Variants in ABLIM2 observed in about 807,000 individuals in gnomAD.
ABLIM2 encodes actin-binding LIM protein 2.
Under a neutral mutation model 97.7 loss-of-function variants are expected in ABLIM2, and 53 were observed. That is an observed-to-expected ratio of 0.54 (90% CI 0.44 to 0.68). The LOEUF (loss-of-function observed/expected upper bound fraction) is 0.68. ABLIM2 is among the 30% of genes least tolerant of loss of function. The probability of loss-of-function intolerance (pLI) is 0.00; values close to 1 mark genes in which losing one functional copy is unlikely to be tolerated. For synonymous variants in ABLIM2, 361 were observed against 345.8 expected (o/e 1.04, Z -0.49); for missense variants, 835 against 867.2 (o/e 0.96, Z 0.47).
At position 8,072,552 on chromosome 4, in the gene ABLIM2, G is replaced by T. The variant is rs1812967012; in HGVS notation, c.675+5076C>A. On this transcript the variant is annotated intron_variant, in intron 6 of 20. Coordinates refer to ENST00000447017, the MANE Select transcript of ABLIM2 (RefSeq NM_001130083.2). This position sits in a 1 kb window ranked among gnomAD's most constrained non-coding sequence, Gnocchi z 5.8. The stretch of plus-strand genomic sequence containing the variant: ...TACACCCCACTTTAGGCCACCAGAT[G>T]TTCCAACGTGGCTATGCTATTAAGC... Among the ~76,000 whole-genome samples the T allele has an allele frequency of 6.6e-6, 1 of 152,242 alleles. No homozygotes were observed. The highest frequency in any genetic ancestry group is 1.5e-5 in the Non-Finnish European group (1 of 68,046).
chr4:8,047,358 TTCCTCCTCCTCC>T (rs139472480), intron 8 of ABLIM2, among the ~76,000 whole-genome samples: 3 of 149,040 alleles, frequency 2.0e-5, no homozygotes, highest in Admixed American at 1.3e-4. Flanking sequence ...CCACCGCCTC[TTCCTCCTCCTCC>T]TCCTCCTCCT....
At position 8,044,453 on chromosome 4, in the gene ABLIM2, A is replaced by T. The variant is rs1790819667; in HGVS notation, c.900+711T>A. 6.6e-6 allele frequency among the ~76,000 whole-genome samples: 1 copy of T among 151,874 alleles called. No homozygotes were observed. Among genetic ancestry groups the T allele is most frequent in the African/African-American group, 2.4e-5 (1 of 41,340 alleles). On this transcript the variant is annotated intron_variant, in intron 9 of 20. Transcript: ENST00000447017. The surrounding 1 kb of genome is among the most constrained non-coding windows in gnomAD (Gnocchi z 4.4). ...ACAATATTAAATATTAAATTTACAT[A>T]TACATATGTATATGTATGTATACAT...
rs750302106 is a variant in ABLIM2, at chr4:8,012,760, A to C, written c.1424-3658T>G. On this transcript the variant is annotated intron_variant, in intron 14 of 20. Coordinates refer to ENST00000447017, the MANE Select transcript of ABLIM2 (RefSeq NM_001130083.2). ...TACTCATCTATCCATCCATCCATCC[A>C]TCCACCCACTCACCCACACTCACGC... 4.0e-5 allele frequency among the ~76,000 whole-genome samples: 6 copies of C among 150,992 alleles called. 1 individual carries two copies. Among genetic ancestry groups the C allele is most frequent in the Non-Finnish European group, 7.4e-5 (5 of 67,764 alleles).
At chr4:8,078,578 T>C (rs1450369045) in intron 5 of ABLIM2, among the ~76,000 whole-genome samples, 1 of 152,178 alleles carries the variant, frequency 6.6e-6, no homozygotes, top group Non-Finnish European at 1.5e-5. Context: ...GCTGTGCAGA[T>C]GTGGGGACAG....
intron 10 of ABLIM2, among the ~76,000 whole-genome samples, chr4:8,031,351 C>T (rs1482855575): frequency 6.6e-6 from 1 of 152,178 alleles, no homozygotes; most frequent in Non-Finnish European, 1.5e-5. Flanking sequence ...TGCACCTCAT[C>T]TGGAAGGGAA....
chr4:8,079,060 T>C (rs1393331472), intron 5 of ABLIM2, among the ~76,000 whole-genome samples: 1 of 152,224 alleles, frequency 6.6e-6, no homozygotes, highest in African/African-American at 2.4e-5. Flanking sequence ...GTCCCCAGGA[T>C]GTGGGGTCAT....
At chr4:8,144,392 AG>A (rs1168733298) in intron 1 of ABLIM2, among the ~76,000 whole-genome samples, 1 of 152,222 alleles carries the variant, frequency 6.6e-6, no homozygotes, top group African/African-American at 2.4e-5. Context: ...CTTATGCCCC[AG>A]GGCCGCCGCT....
At chr4:8,144,262 T>C (rs1851451561) in intron 1 of ABLIM2, among the ~76,000 whole-genome samples, 1 of 152,140 alleles carries the variant, frequency 6.6e-6, no homozygotes, top group Admixed American at 6.5e-5. Flanking sequence ...AAATACTCTT[T>C]CTAAGTTGTC....
At position 8,115,056 on chromosome 4, in the gene ABLIM2, G is replaced by A. The variant is rs59515973; in HGVS notation, c.11-8419C>T. Among the ~76,000 whole-genome samples, 200 of 152,288 alleles carry A rather than the reference G, an allele frequency of 1.3e-3. 5 individuals are homozygous for A. In the East Asian group the frequency reaches 0.029, roughly 22 times the overall value. On this transcript the variant is annotated intron_variant, in intron 1 of 20. Transcript: ENST00000447017. ...CTTGACCTGCCCATGGCCAGACCAC[G>A]GGTCCCTGAGGACCGCAAACAGCTT...
chr4:8,116,078 C>T (rs973327857), intron 1 of ABLIM2, among the ~76,000 whole-genome samples: 1 of 152,238 alleles, frequency 6.6e-6, no homozygotes, highest in Non-Finnish European at 1.5e-5. Flanking sequence ...GCCTTTGGGT[C>T]GGCCCAGTGA....
At chr4:8,048,913 G>T (rs1339895419) in intron 8 of ABLIM2, among the ~76,000 whole-genome samples, 2 of 151,884 alleles carry the variant, frequency 1.3e-5, no homozygotes, top group African/African-American at 4.8e-5. Flanking sequence ...CTTACCTTGG[G>T]CTACCCACAG....
chr4:8,007,494 G>A (rs953567264), intron 16 of ABLIM2: 8 of 985,420 alleles, frequency 8.1e-6, no homozygotes, highest in African/African-American at 1.7e-5. Context: ...GATTTACAGC[G>A]GCCGGAAGCA....
At chr4:8,152,214 C>T (rs952240896) in intron 1 of ABLIM2, among the ~76,000 whole-genome samples, 13 of 152,220 alleles carry the variant, frequency 8.5e-5, no homozygotes, top group Non-Finnish European at 1.6e-4. Context: ...CCACAGCCAC[C>T]GGCTAAAGCA....
rs547433651 is a variant in ABLIM2, at chr4:8,023,046, C to CTCT, written c.1268-2744_1268-2743insAGA. ...TTTCCTCTTTCTCCTCCTCCTCCTCCTTCTTCTCTACTTTTTCCTCTTCCT... is the reference window on the plus strand; with the variant it reads ...TTTCCTCTTTCTCCTCCTCCTCCTCCTCTTTCTTCTCTACTTTTTCCTCTTCCT... On this transcript the variant is annotated intron_variant, in intron 12 of 20. Transcript: ENST00000447017. This position sits in a 1 kb window ranked among gnomAD's most constrained non-coding sequence, Gnocchi z 5.7. The CTCT allele has an allele frequency of 6.5e-3, 998 of 152,388 alleles. 9 individuals are homozygous for CTCT. Among genetic ancestry groups the CTCT allele is most frequent in the African/African-American group, 0.022 (917 of 41,274 alleles). 9.4% of individuals were successfully genotyped at this position (152,388 alleles called of 1,614,324 possible). A position where few individuals can be genotyped will look rare whatever the true frequency, so the allele number is the denominator to read the frequency against.
chr4:8,056,112 C>CAAAAAAAAAAAAAAAAAAAAAAAAAAA (rs60992903), intron 7 of ABLIM2, among the ~76,000 whole-genome samples: 5 of 68,362 alleles, frequency 7.3e-5, no homozygotes, highest in Non-Finnish European at 1.1e-4. Context: ...GACTCTGTCT[C>CAAAAAAAAAAAAAAAAAAAAAAAAAAA]AAAAAAAAAA....
At chr4:7,981,393 C>T (rs914568059) in intron 20 of ABLIM2, among the ~76,000 whole-genome samples, 3 of 152,094 alleles carry the variant, frequency 2.0e-5, no homozygotes, top group South Asian at 2.1e-4. Flanking sequence ...CTTTCCAGAC[C>T]GAACCAATGT....
chr4:8,089,479 A>G (rs1825865444), intron 3 of ABLIM2, among the ~76,000 whole-genome samples: 1 of 152,148 alleles, frequency 6.6e-6, no homozygotes, highest in African/African-American at 2.4e-5. Context: ...TCACACTTGT[A>G]ATCCCAGCAC....
At position 8,082,843 on chromosome 4, in the gene ABLIM2, C is replaced by T. The variant is rs911924597; in HGVS notation, c.455-2041G>A. ...CATCACCCAATCTGCCGCGCTCCTT[C>T]CTGTGTCTCTGCAGAGTCAGACGAC... On this transcript the variant is annotated intron_variant, in intron 4 of 20. Coordinates refer to ENST00000447017, the MANE Select transcript of ABLIM2 (RefSeq NM_001130083.2). The surrounding 1 kb of genome is among the most constrained non-coding windows in gnomAD (Gnocchi z 5.6). 6.6e-6 allele frequency among the ~76,000 whole-genome samples: 1 copy of T among 152,232 alleles called. No individual in the cohort carries two copies. Among genetic ancestry groups the T allele is most frequent in the African/African-American group, 2.4e-5 (1 of 41,464 alleles).
chr4:8,115,620 T>C (rs1842459543), intron 1 of ABLIM2, among the ~76,000 whole-genome samples: 1 of 152,158 alleles, frequency 6.6e-6, no homozygotes, highest in Non-Finnish European at 1.5e-5. Context: ...CCCTCTGAGC[T>C]CCCCACGGGC....
Sources: allele counts gnomAD v4.1 joint callset (sites outside exome capture counted in the v4.1 genomes callset), GRCh38; gene constraint gnomAD v4.1.1; non-coding constraint Gnocchi (gnomAD v3.1); transcripts MANE v1.5; gene names NCBI Gene and HGNC (gene_info 2026-07-23, HGNC 2026-07-21).